The following RBP2 variants were observed in gnomAD, a reference collection of about 807,000 sequenced individuals.
RBP2 encodes the protein retinol binding protein 2.
Under a neutral mutation model 17.0 loss-of-function variants are expected in RBP2, and 17 were observed. The observed-to-expected ratio is 1.00, with a 90% CI of 0.68 to 1.50. The LOEUF is 1.50. Ranked by LOEUF, RBP2 falls within the 40% of genes most tolerant of loss-of-function variation. RBP2 has a pLI of 0.00. For synonymous variants in RBP2, 48 were observed against 57.1 expected (o/e 0.84, Z 0.72); for missense variants, 158 against 168.2 (o/e 0.94, Z 0.33).
chr3:139,470,499 G>A (rs1274941304), intron 1 of RBP2, among the ~76,000 whole-genome samples: 1 of 151,754 alleles, frequency 6.6e-6, no homozygotes. Flanking sequence ...TTTCCATGCT[G>A]TGGCCATAGT....
At position 139,476,295 on chromosome 3, in the gene RBP2, G is replaced by A. The variant is rs2233816; in HGVS notation, c.73+92C>T. On this transcript the variant is annotated intron_variant, in intron 1 of 3. Coordinates refer to ENST00000232217, the MANE Select transcript of RBP2 (RefSeq NM_004164.3). ...CATGAGGCATGAGGATTTGCCACAG[G>A]TCTGTTGAACTCCATAGCAGCACTG... is the stretch of plus-strand genomic sequence containing the variant. 8,002 of 1,009,972 alleles carry A rather than the reference G, an allele frequency of 7.9e-3. 58 individuals carry two copies. Among genetic ancestry groups the A allele is most frequent in the Admixed American group, 0.011 (595 of 52,768 alleles). 62.6% of individuals were successfully genotyped at this position (1,009,972 alleles called of 1,614,324 possible).
chr3:139,461,653 A>C (rs961820541), intron 2 of RBP2, among the ~76,000 whole-genome samples: 3 of 152,168 alleles, frequency 2.0e-5, no homozygotes, highest in Non-Finnish European at 4.4e-5. Flanking sequence ...GAATCATAAA[A>C]ATTTGAGATA....
Position 139,453,007 on chromosome 3 carries a change from T to A in RBP2, c.*109A>T. The A allele has an allele frequency of 3.1e-6, 4 of 1,271,312 alleles. No homozygotes were observed. In the South Asian group the frequency reaches 4.8e-5, roughly 15 times the overall value. The allele number at this position is 1,271,312 out of a possible 1,614,324, so 78.8% of individuals were successfully genotyped here. A position where few individuals can be genotyped will look rare whatever the true frequency, so the allele number is the denominator to read the frequency against. On this transcript the variant is annotated 3_prime_UTR_variant, in exon 4 of 4. Coordinates refer to ENST00000232217, the MANE Select transcript of RBP2 (RefSeq NM_004164.3). ...TTTAAAACCCACCCAGATGCCTTAA[T>A]GGGGCTCTGTCAAGAGTGGGAAGGT...
At chr3:139,469,277 TTTAGAAAGGAA>T (rs1933469115) in intron 1 of RBP2, among the ~76,000 whole-genome samples, 1 of 152,106 alleles carries the variant, frequency 6.6e-6, no homozygotes, top group South Asian at 2.1e-4. Flanking sequence ...AGAAAACACA[TTTAGAAAGGAA>T]TTAGATGAGA....
intron 3 of RBP2, among the ~76,000 whole-genome samples, chr3:139,454,047 A>G (rs1385420767): frequency 6.6e-6 from 1 of 152,358 alleles, no homozygotes; most frequent in East Asian, 1.9e-4. Flanking sequence ...TGAATTAATG[A>G]ATGAAGAGCC....
In RBP2 at chr3:139,474,778, C is replaced by A. The variant is rs115773994; in HGVS notation, c.73+1609G>T. Among the ~76,000 whole-genome samples, 669 of 152,252 alleles carry A rather than the reference C, an allele frequency of 4.4e-3. 7 individuals are homozygous for A. Among genetic ancestry groups the A allele is most frequent in the African/African-American group, 0.016 (651 of 41,526 alleles). On this transcript the variant is annotated intron_variant, in intron 1 of 3. Coordinates refer to ENST00000232217, the MANE Select transcript of RBP2 (RefSeq NM_004164.3). ...GTGTTGACCCTTCTGCTTTGGTTTCCTTATCTGTATAATCTTGTTCAGAAT... is the reference window on the plus strand; with the variant it reads ...GTGTTGACCCTTCTGCTTTGGTTTCATTATCTGTATAATCTTGTTCAGAAT...
chr3:139,473,707 C>A (rs1933637787), intron 1 of RBP2, among the ~76,000 whole-genome samples: 1 of 152,228 alleles, frequency 6.6e-6, no homozygotes, highest in African/African-American at 2.4e-5. Context: ...ATTGAAGGGG[C>A]AGCTCTTCCT....
intron 1 of RBP2, among the ~76,000 whole-genome samples, chr3:139,469,988 T>C (rs1933504530): frequency 6.6e-6 from 1 of 152,180 alleles, no homozygotes; most frequent in Non-Finnish European, 1.5e-5. Context: ...GATAAGTCTC[T>C]CCACTTCTCT....
At position 139,454,732 on chromosome 3, in the gene RBP2, G is replaced by T; in HGVS notation, c.351C>A (p.Tyr117Ter). 1 of 1,614,012 alleles carries T rather than the reference G, an allele frequency of 6.2e-7. No individual in the cohort carries two copies. Among genetic ancestry groups the T allele is most frequent in the East Asian group, 2.2e-5 (1 of 44,876 alleles). ...WKQWIEGDKLYLELTCGDQVC... is the reference protein window; with the variant it reads ...WKQWIEGDKL ...CTGAGCAGAACCCAGTACTTACCAG[G>T]TACAGCTTGTCCCCCTCAATCCACT... The change falls in exon 3 of 4, where the codon TAC (tyrosine) becomes TAA (stop). Residue 117 changes from tyrosine to a stop codon, truncating the protein, a stop_gained. Transcript: ENST00000232217. LOFTEE classifies it high-confidence loss of function.
chr3:139,465,246 G>A (rs375160932), intron 1 of RBP2, among the ~76,000 whole-genome samples: 1 of 152,286 alleles, frequency 6.6e-6, no homozygotes, highest in East Asian at 1.9e-4. Context: ...AGGTGAATCT[G>A]CGAGCCATGC....
In RBP2 at chr3:139,476,417, C is replaced by T; in HGVS notation, c.43G>A (p.Glu15Lys). 6.2e-7 allele frequency: 1 copy of T among 1,614,004 alleles called. No individual in the cohort carries two copies. The change falls in exon 1 of 4, where the codon GAA becomes AAA. Residue 15 changes from glutamate to lysine, a missense_variant. Glu to Lys is a moderately conservative substitution (Grantham distance 56). Transcript: ENST00000232217. The part of the protein sequence containing the change: ...QNGTWEMESN[E>K]NFEGYMKALD... ...GCCTTCATGTAGCCCTCAAAGTTTT[C>T]ATTACTCTCCATCTCCCAGGTTCCA...
At chr3:139,456,110 C>G (rs761511373) in intron 2 of RBP2, among the ~76,000 whole-genome samples, 11 of 152,148 alleles carry the variant, frequency 7.2e-5, no homozygotes, top group African/African-American at 1.4e-4. Flanking sequence ...CTGTGTTGTT[C>G]TTCTTCGGGG....
chr3:139,461,203 C>T (rs1933176033), intron 2 of RBP2, among the ~76,000 whole-genome samples: 1 of 152,166 alleles, frequency 6.6e-6, no homozygotes, highest in Non-Finnish European at 1.5e-5. Context: ...GCTGCTGTTA[C>T]CCTTGCCTTC....
intron 1 of RBP2, among the ~76,000 whole-genome samples, chr3:139,471,509 A>C (rs1933568866): frequency 6.6e-6 from 1 of 152,256 alleles, no homozygotes. Context: ...TGTCAATTTA[A>C]GTGAAAAAGA....
At chr3:139,470,954 G>C (rs560466123) in intron 1 of RBP2, among the ~76,000 whole-genome samples, 1 of 152,080 alleles carries the variant, frequency 6.6e-6, no homozygotes, top group African/African-American at 2.4e-5. Flanking sequence ...ATACTAGTCA[G>C]CGTTCAAACC....
chr3:139,461,332 C>T (rs1234249460), intron 2 of RBP2, among the ~76,000 whole-genome samples: 1 of 152,184 alleles, frequency 6.6e-6, no homozygotes, highest in Non-Finnish European at 1.5e-5. Context: ...TCCCTACTCC[C>T]CTCTCAGAGT....
At chr3:139,454,272 G>C (rs1943357730) in intron 3 of RBP2, among the ~76,000 whole-genome samples, 1 of 152,156 alleles carries the variant, frequency 6.6e-6, no homozygotes, top group African/African-American at 2.4e-5. Flanking sequence ...TTTGGGGTCA[G>C]AAGGACATAC....
At chr3:139,470,714 G>T (rs77082381) in intron 1 of RBP2, among the ~76,000 whole-genome samples, 2 of 151,848 alleles carry the variant, frequency 1.3e-5, no homozygotes, top group South Asian at 4.2e-4. Context: ...GAGTAGCTGG[G>T]ACCACAGGAA....
chr3:139,476,295 G>T, intron 1 of RBP2, 92 bp downstream of exon 1: 1 of 1,010,072 alleles, frequency 9.9e-7, no homozygotes, highest in Non-Finnish European at 1.5e-6. Flanking sequence ...TTTGCCACAG[G>T]TCTGTTGAAC....
Sources: allele counts gnomAD v4.1 joint callset (sites outside exome capture counted in the v4.1 genomes callset), GRCh38; gene constraint gnomAD v4.1.1; transcripts MANE v1.5; gene names NCBI Gene and HGNC (gene_info 2026-07-23, HGNC 2026-07-21).